ZNF468: variants seen among roughly 807,000 people sequenced by gnomAD.
ZNF468 encodes the protein zinc finger protein ZNF468.
ZNF468 carries 8 observed loss-of-function variants against 7.2 expected under a neutral mutation model. That is an observed-to-expected ratio of 1.11 (90% confidence interval 0.65 to 2.01). ZNF468 has a LOEUF of 2.01. Ranked by LOEUF, ZNF468 falls within the 30% of genes most tolerant of loss-of-function variation. The probability of loss-of-function intolerance (pLI) is 0.00; values close to 1 mark genes in which losing one functional copy is unlikely to be tolerated. For missense variants in ZNF468, 608 were observed against 626.5 expected (o/e 0.97, Z 0.31); for synonymous variants, 218 against 214.4 (o/e 1.02, Z -0.15).
In ZNF468 at chr19:52,849,149, G is replaced by C. The variant is rs770844900; in HGVS notation, c.80C>G (p.Pro27Arg). 2.5e-6 allele frequency: 4 copies of C among 1,613,998 alleles called. No homozygotes were observed. The South Asian group carries it at 4.4e-5, about 18-fold the overall frequency. ...GTCCCTGTATAAAGTCCTCTGAGCA[G>C]GGTCCAGGCATTTCCACTCCTCCTG... ...FSQEEWKCLD[P>R]AQRTLYRDVM... is the part of the protein sequence containing the mutation. The change falls in exon 3 of 4, where the codon CCT becomes CGT. Residue 27 changes from proline to arginine, a missense_variant. Coordinates refer to ENST00000595646, the MANE Select transcript of ZNF468 (RefSeq NM_001008801.2).
rs182977506 is a variant in ZNF468 at position 52,843,207 on chromosome 19, T to C, written c.143-1056A>G. Among the ~76,000 whole-genome samples the C allele has an allele frequency of 3.3e-3, 508 of 151,750 alleles. 2 individuals carry two copies. The highest frequency in any genetic ancestry group is 0.017 in the Middle Eastern group (5 of 294). ...AATTACCTATATCCATGTGGAACAG[T>C]TATGTTGTGACTTTTTAAAAAATTT... On this transcript the variant is annotated intron_variant, in intron 3 of 3. Transcript: ENST00000595646.
rs1205531005 is a variant in ZNF468 at position 52,838,703 on chromosome 19, A to C, written c.*2022T>G. The C allele has an allele frequency of 6.6e-6, 1 of 152,236 alleles. No homozygotes were observed. The highest frequency in any genetic ancestry group is 1.5e-5 in the Non-Finnish European group (1 of 68,038). 9.4% of individuals were successfully genotyped at this position (152,236 alleles called of 1,614,324 possible). A position where few individuals can be genotyped will look rare whatever the true frequency, so the allele number is the denominator to read the frequency against. On this transcript the variant is annotated 3_prime_UTR_variant, in exon 4 of 4. Transcript: ENST00000595646. Reference sequence around the variant, plus strand: ...TTGAATTTCCATACATTAACAATAAATAATTTTAAAAGAAAATTAAAAACC... The same window carrying C: ...TTGAATTTCCATACATTAACAATAACTAATTTTAAAAGAAAATTAAAAACC...
At chr19:52,852,739 T>C (rs1472000414) in intron 2 of ZNF468, among the ~76,000 whole-genome samples, 2 of 151,736 alleles carry the variant, frequency 1.3e-5, no homozygotes, top group Non-Finnish European at 2.9e-5. Flanking sequence ...GATACCGGAG[T>C]GATGAAATAA....
At chr19:52,847,957 T>G (rs889937807) in intron 3 of ZNF468, among the ~76,000 whole-genome samples, 5 of 152,294 alleles carry the variant, frequency 3.3e-5, no homozygotes, top group African/African-American at 1.2e-4. Flanking sequence ...TTCTCTAAAC[T>G]TTGTCTCTGT....
chr19:52,842,227 G>GA (rs142157651), intron 3 of ZNF468, 76 bp from the exon 4 acceptor site: 105 of 1,238,666 alleles, frequency 8.5e-5, no homozygotes, highest in South Asian at 1.0e-4. Context: ...AAATATCACA[G>GA]AAAAAAAACA....
chr19:52,854,152 A>G, intron 2 of ZNF468, 106 bp downstream of exon 2: 7 of 1,601,830 alleles, frequency 4.4e-6, no homozygotes, highest in Non-Finnish European at 5.1e-6. Flanking sequence ...AGTGAGGGTG[A>G]GCAAACATGT....
At position 52,852,947 on chromosome 19, in the gene ZNF468, G is replaced by A. The variant is rs911381989; in HGVS notation, c.15+1311C>T. Among the ~76,000 whole-genome samples the A allele has an allele frequency of 7.9e-5, 12 of 151,258 alleles. No individual in the cohort carries two copies. The East Asian group carries it at 2.0e-3, about 25-fold the overall frequency. ...TCAGCTCACTGCAAGCTCTGCCTCC[G>A]AGGTTCAAGTCATTCTCCTGCCTCA... On this transcript the variant is annotated intron_variant, in intron 2 of 3. Coordinates refer to ENST00000595646, the MANE Select transcript of ZNF468 (RefSeq NM_001008801.2).
chr19:52,850,932 T>TATAC (rs1555811536), intron 2 of ZNF468, among the ~76,000 whole-genome samples: 5 of 150,582 alleles, frequency 3.3e-5, no homozygotes, highest in African/African-American at 1.2e-4. Context: ...TATATATATA[T>TATAC]ACACACACAC....
Position 52,840,636 on chromosome 19 carries a change from A to G in ZNF468, c.*89T>C. 6.3e-7 allele frequency: 1 copy of G among 1,595,960 alleles called. No individual in the cohort carries two copies. The highest frequency in any genetic ancestry group is 8.6e-7 in the Non-Finnish European group (1 of 1,164,186). On this transcript the variant is annotated 3_prime_UTR_variant, in exon 4 of 4. Coordinates refer to ENST00000595646, the MANE Select transcript of ZNF468 (RefSeq NM_001008801.2). ...GATTAAAAACCTTGCCACATTCATT[A>G]TGCTTGTAAGGTTTCTCTCCAGTAT...
At chr19:52,843,177 T>C (rs1034589215) in intron 3 of ZNF468, among the ~76,000 whole-genome samples, 1 of 151,956 alleles carries the variant, frequency 6.6e-6, no homozygotes, top group Non-Finnish European at 1.5e-5. Flanking sequence ...GAATAACTGT[T>C]ACAAAATTAC....
chr19:52,849,221 G>A lies in ZNF468; in HGVS notation c.16-8C>T, dbSNP rs879075699. On this transcript the variant is annotated splice_region_variant and splice_polypyrimidine_tract_variant and intron_variant, in intron 2 of 3. Coordinates refer to ENST00000595646, the MANE Select transcript of ZNF468 (RefSeq NM_001008801.2). ...CCTGAATGTCAATAGACCCTGAAAT[G>A]AAAACACATTTTAACCAAATGGTTA... 6.2e-7 allele frequency: 1 copy of A among 1,613,490 alleles called. No homozygotes were observed. Among genetic ancestry groups the A allele is most frequent in the South Asian group, 1.1e-5 (1 of 91,062 alleles).
chr19:52,846,901 T>C (rs1429574454), intron 3 of ZNF468, among the ~76,000 whole-genome samples: 1 of 152,054 alleles, frequency 6.6e-6, no homozygotes, highest in African/African-American at 2.4e-5. Context: ...CTCAGGAATC[T>C]GGGGAACAAG....
At position 52,841,388 on chromosome 19, in the gene ZNF468, T is replaced by C; in HGVS notation, c.906A>G (p.Glu302=). 1 of 1,613,950 alleles carries C rather than the reference T, an allele frequency of 6.2e-7. No individual in the cohort carries two copies. ...LHTGEKPYEC[E]ECDKVFSRKS... ...TGCGACTGAAAACTTTGTCACATTC[T>C]TCACATTCATAAGGTTTCTCTCCAG... The change falls in exon 4 of 4, where the codon GAA becomes GAG. Residue 302 remains glutamate (E), a synonymous_variant. Coordinates refer to ENST00000595646, the MANE Select transcript of ZNF468 (RefSeq NM_001008801.2).
chr19:52,842,841 A>AAGG (rs2063315919), intron 3 of ZNF468, among the ~76,000 whole-genome samples: 3 of 136,246 alleles, frequency 2.2e-5, no homozygotes, highest in African/African-American at 8.4e-5. Flanking sequence ...AAAAAAAAAA[A>AAGG]GACATGGCAT....
intron 3 of ZNF468, among the ~76,000 whole-genome samples, chr19:52,846,956 A>T (rs535604884): frequency 6.6e-6 from 1 of 152,230 alleles, no homozygotes; most frequent in South Asian, 2.1e-4. Context: ...AGCCAAGATC[A>T]TATCACTGCA....
At chr19:52,850,205 T>C (rs1448482081) in intron 2 of ZNF468, among the ~76,000 whole-genome samples, 1 of 152,158 alleles carries the variant, frequency 6.6e-6, no homozygotes, top group Non-Finnish European at 1.5e-5. Flanking sequence ...AATCTCATCT[T>C]GCTGGAAAAG....
In ZNF468 at chr19:52,851,319, G is replaced by A. The variant is rs1310172844; in HGVS notation, c.16-2106C>T. On this transcript the variant is annotated intron_variant, in intron 2 of 3. Transcript: ENST00000595646. ...AAGCTGGGTGAGGTGGCTCACGCCT[G>A]TACTTTCAACACTTTAGGAGGCTGA... Among the ~76,000 whole-genome samples, 4 of 151,892 alleles carry A rather than the reference G, an allele frequency of 2.6e-5. 1 individual carries two copies. The highest frequency in any genetic ancestry group is 5.9e-5 in the Non-Finnish European group (4 of 67,986).
intron 3 of ZNF468, among the ~76,000 whole-genome samples, chr19:52,844,315 G>C (rs2063327099): frequency 6.6e-6 from 1 of 152,044 alleles, no homozygotes; most frequent in South Asian, 2.1e-4. Flanking sequence ...ACCGTATTAG[G>C]ACACAGCAGG....
chr19:52,847,951 C>G (rs1167450279), intron 3 of ZNF468, among the ~76,000 whole-genome samples: 1 of 152,202 alleles, frequency 6.6e-6, no homozygotes, highest in Non-Finnish European at 1.5e-5. Context: ...TGTTCTTTCT[C>G]TAAACTTTGT....
Sources: gnomAD v4.1 joint callset for allele counts (sites outside exome capture counted in the v4.1 genomes callset) on GRCh38, gnomAD v4.1.1 for gene constraint, MANE v1.5 for transcripts, NCBI Gene and HGNC (gene_info 2026-07-23, HGNC 2026-07-21) for gene names.